The following HSPA12B variants were observed in gnomAD, a reference collection of about 807,000 sequenced individuals.
The protein encoded by HSPA12B is heat shock 70 kDa protein 12B.
In HSPA12B, 54 loss-of-function variants were observed where a neutral mutation model predicts 69.3. The observed-to-expected ratio is 0.78, with a 90% confidence interval of 0.63 to 0.98. The LOEUF (loss-of-function observed/expected upper bound fraction) is 0.98, where lower values mean the gene tolerates loss of function less well. HSPA12B is among the 50% of genes least tolerant of loss of function. HSPA12B has a pLI of 0.00. For missense variants in HSPA12B, 929 were observed against 999.8 expected (o/e 0.93, Z 0.96); for synonymous variants, 441 against 436.5 (o/e 1.01, Z -0.13).
chr20:3,737,639 A>G lies in HSPA12B; in HGVS notation c.-17-1019A>G, dbSNP rs2088128850. Among the ~76,000 whole-genome samples the G allele has an allele frequency of 6.6e-6, 1 of 152,136 alleles. No individual in the cohort carries two copies. Among genetic ancestry groups the G allele is most frequent in the East Asian group, 1.9e-4 (1 of 5,200 alleles). On this transcript the variant is annotated intron_variant, in intron 1 of 12. Coordinates refer to ENST00000254963, the MANE Select transcript of HSPA12B (RefSeq NM_052970.5). The surrounding 1 kb of genome is among the most constrained non-coding windows in gnomAD (Gnocchi z 4.1). Reference sequence around the variant, plus strand: ...AGGCATCTCAGTCTCCTGGGCCGGTATATATTCCTCTGTTCAGCCTTTAAA... The same window carrying G: ...AGGCATCTCAGTCTCCTGGGCCGGTGTATATTCCTCTGTTCAGCCTTTAAA...
At chr20:3,742,451 G>C (rs1568473941) in intron 4 of HSPA12B, 43 bp downstream of exon 4, 1 of 1,486,844 alleles carries the variant, frequency 6.7e-7, no homozygotes, top group East Asian at 2.3e-5. Context: ...GGAAGGTGGG[G>C]AGTTCCTCAT....
chr20:3,745,323 TG>T lies in HSPA12B; in HGVS notation c.454-166del, dbSNP rs202220818. Among the ~76,000 whole-genome samples, 185 of 21,468 alleles carry T rather than the reference TG, an allele frequency of 8.6e-3. No individual in the cohort carries two copies. The highest frequency in any genetic ancestry group is 0.031 in the African/African-American group (169 of 5,472). The allele number at this position is 21,468 out of a possible 152,430, so 14.1% of individuals were successfully genotyped here. ...AGTGAAGCTGGGGTTGCAGGAGGGGTGGGGCTAAGGAGAGGGGTCGGGGCAG... is the reference window on the plus strand; with the variant it reads ...AGTGAAGCTGGGGTTGCAGGAGGGGTGGGCTAAGGAGAGGGGTCGGGGCAG... On this transcript the variant is annotated intron_variant, in intron 5 of 12. Transcript: ENST00000254963. This position sits in a 1 kb window ranked among gnomAD's most constrained non-coding sequence, Gnocchi z 5.6.
Position 3,751,870 on chromosome 20 carries a change from G to A in HSPA12B, c.1765G>A (p.Glu589Lys). 6.4e-7 allele frequency: 1 copy of A among 1,559,390 alleles called. No homozygotes were observed. The highest frequency in any genetic ancestry group is 8.6e-7 in the Non-Finnish European group (1 of 1,158,280). Residue 589 changes from glutamate (E) to lysine (K), a missense_variant, in exon 13 of 13, where the codon GAG becomes AAG. Around this residue, in one of 3 missense-constraint regions of HSPA12B, gnomAD observed 448 missense variants for 448.1 expected, o/e 1.00. Transcript: ENST00000254963. ...AAEQSVALGE[E>K]VRRSYCPARP... ...CGAGCAGTCGGTGGCCCTGGGCGAG[G>A]AGGTGCGGCGCAGCTACTGCCCGGC...
Position 3,749,395 on chromosome 20 carries a change from T to G in HSPA12B, c.937+77T>G, listed in dbSNP as rs770486888. The G allele has an allele frequency of 1.5e-6, 2 of 1,321,942 alleles. No individual in the cohort carries two copies. Among genetic ancestry groups the G allele is most frequent in the Non-Finnish European group, 2.1e-6 (2 of 938,020 alleles). The allele number at this position is 1,321,942 out of a possible 1,614,324, so 81.9% of individuals were successfully genotyped here. ...ATACTGATGGGGGGAAGGGCATGTT[T>G]GCAAAGCCCGTCTCTTCCTCCTCCA... On this transcript the variant is annotated intron_variant, in intron 9 of 12. Coordinates refer to ENST00000254963, the MANE Select transcript of HSPA12B (RefSeq NM_052970.5). This position sits in a 1 kb window ranked among gnomAD's most constrained non-coding sequence, Gnocchi z 5.5.
Position 3,749,409 on chromosome 20 carries a change from C to T in HSPA12B, c.937+91C>T, listed in dbSNP as rs1600328657. The T allele has an allele frequency of 1.7e-6, 2 of 1,186,562 alleles. No individual in the cohort carries two copies. The allele number at this position is 1,186,562 out of a possible 1,614,324, so 73.5% of individuals were successfully genotyped here. ...AAGGGCATGTTTGCAAAGCCCGTCT[C>T]TTCCTCCTCCATTCGCTGTACCCAA... is the stretch of plus-strand genomic sequence containing the variant. On this transcript the variant is annotated intron_variant, in intron 9 of 12. Coordinates refer to ENST00000254963, the MANE Select transcript of HSPA12B (RefSeq NM_052970.5). This position sits in a 1 kb window ranked among gnomAD's most constrained non-coding sequence, Gnocchi z 5.5.
chr20:3,745,709 G>C lies in HSPA12B; in HGVS notation c.558+112G>C. 1 of 1,027,458 alleles carries C rather than the reference G, an allele frequency of 9.7e-7. No individual in the cohort carries two copies. The highest frequency in any genetic ancestry group is 1.5e-6 in the Non-Finnish European group (1 of 671,286). 63.6% of individuals were successfully genotyped at this position (1,027,458 alleles called of 1,614,324 possible). A position where few individuals can be genotyped will look rare whatever the true frequency, so the allele number is the denominator to read the frequency against. ...CATTGGATGGGTAGCCACCGCCGGA[G>C]CTCAGAGGTCATCTTCTCCAGTACC... On this transcript the variant is annotated intron_variant, in intron 6 of 12. Coordinates refer to ENST00000254963, the MANE Select transcript of HSPA12B (RefSeq NM_052970.5). The surrounding 1 kb of genome is among the most constrained non-coding windows in gnomAD (Gnocchi z 5.6).
rs1378557952 is a variant in HSPA12B, at chr20:3,749,751, A to T, written c.939A>T (p.Gly313=). Residue 313 remains glycine, a splice_region_variant and synonymous_variant, in exon 10 of 13, where the codon GGA becomes GGT. Transcript: ENST00000254963. The surrounding 1 kb of genome is among the most constrained non-coding windows in gnomAD (Gnocchi z 5.5). ...VGELWAEMQA[G]DRYVVADCGG... ...GTGTGCCCGCGCTCGCCGCCGCAGG[A>T]GACCGCTACGTGGTGGCCGACTGCG... The T allele has an allele frequency of 6.3e-7, 1 of 1,588,788 alleles. No individual in the cohort carries two copies. The highest frequency in any genetic ancestry group is 8.5e-7 in the Non-Finnish European group (1 of 1,171,820).
chr20:3,744,864 G>A lies in HSPA12B; in HGVS notation c.267-38G>A, dbSNP rs1396354886. On this transcript the variant is annotated intron_variant, in intron 4 of 12. Coordinates refer to ENST00000254963, the MANE Select transcript of HSPA12B (RefSeq NM_052970.5). This position sits in a 1 kb window ranked among gnomAD's most constrained non-coding sequence, Gnocchi z 4.9. ...TCCCTCTGCCTGGATTCCCACCCAA[G>A]AAGGGAGGGTTGCACTGACTGCCCT... The A allele has an allele frequency of 1.9e-6, 3 of 1,587,630 alleles. No homozygotes were observed. Among genetic ancestry groups the A allele is most frequent in the South Asian group, 1.1e-5 (1 of 89,902 alleles).
At position 3,737,824 on chromosome 20, in the gene HSPA12B, G is replaced by A. The variant is rs568395370; in HGVS notation, c.-17-834G>A. Among the ~76,000 whole-genome samples the A allele has an allele frequency of 3.3e-5, 5 of 152,240 alleles. No homozygotes were observed. The South Asian group carries it at 1.0e-3, about 32-fold the overall frequency. Reference sequence around the variant, plus strand: ...TCGAGAACAGCCTGGCCAACACGGCGAAACCCCGTCTCTACTAAAAATACA... The same window carrying A: ...TCGAGAACAGCCTGGCCAACACGGCAAAACCCCGTCTCTACTAAAAATACA... On this transcript the variant is annotated intron_variant, in intron 1 of 12. Transcript: ENST00000254963. This position sits in a 1 kb window ranked among gnomAD's most constrained non-coding sequence, Gnocchi z 4.1.
chr20:3,751,424 C>T, intron 12 of HSPA12B, 87 bp from the exon 13 acceptor site: 1 of 1,351,158 alleles, frequency 7.4e-7, no homozygotes, highest in East Asian at 2.9e-5. Context: ...GCGCCGGTGG[C>T]CGCCTAGTGG....
In HSPA12B at chr20:3,745,377, G is replaced by A. The variant is rs1471601529; in HGVS notation, c.454-116G>A. The stretch of plus-strand genomic sequence containing the variant: ...CTAATGTCACATGGGGCAAGAGTGG[G>A]ACGGTGGTAAAGAGGAGGGGAAGCT... On this transcript the variant is annotated intron_variant, in intron 5 of 12. Transcript: ENST00000254963. This position sits in a 1 kb window ranked among gnomAD's most constrained non-coding sequence, Gnocchi z 5.6. 3.9e-6 allele frequency: 3 copies of A among 778,486 alleles called. No individual in the cohort carries two copies. The highest frequency in any genetic ancestry group is 3.4e-5 in the African/African-American group (2 of 58,920). 48.2% of individuals were successfully genotyped at this position (778,486 alleles called of 1,614,324 possible). A position where few individuals can be genotyped will look rare whatever the true frequency, so the allele number is the denominator to read the frequency against.
chr20:3,738,688 C>T lies in HSPA12B; in HGVS notation c.14C>T (p.Pro5Leu), dbSNP rs768659268. 8.7e-6 allele frequency: 14 copies of T among 1,613,980 alleles called. No homozygotes were observed. Among genetic ancestry groups the T allele is most frequent in the Admixed American group, 1.7e-5 (1 of 60,000 alleles). The change falls in exon 2 of 13, where the codon CCG becomes CTG. Residue 5 changes from proline to leucine, a missense_variant. Pro to Leu is a moderately conservative substitution (Grantham distance 98). This residue lies in a region of HSPA12B where 477 missense variants were observed against 535.2 expected (regional missense o/e 0.89). Coordinates refer to ENST00000254963, the MANE Select transcript of HSPA12B (RefSeq NM_052970.5). ...GGGCCTGCAAGGATGTTGGCTGTCC[C>T]GGAGATGGGCCTGCAGGGGCTGTAC... MLAV[P>L]EMGLQGLYIG...
Position 3,745,620 on chromosome 20 carries a change from C to A in HSPA12B, c.558+23C>A. On this transcript the variant is annotated intron_variant, in intron 6 of 12. Coordinates refer to ENST00000254963, the MANE Select transcript of HSPA12B (RefSeq NM_052970.5). The surrounding 1 kb of genome is among the most constrained non-coding windows in gnomAD (Gnocchi z 5.6). ...CAGGTGCGCTGCGGCCCCACCTCTG[C>A]CGACTGTGGCAGGGACCCCCTATTT... is the stretch of plus-strand genomic sequence containing the variant. 6.3e-7 allele frequency: 1 copy of A among 1,598,526 alleles called. No homozygotes were observed. Among genetic ancestry groups the A allele is most frequent in the Non-Finnish European group, 8.6e-7 (1 of 1,166,252 alleles).
At chr20:3,734,206 G>C (rs887600852) in intron 1 of HSPA12B, among the ~76,000 whole-genome samples, 1 of 152,192 alleles carries the variant, frequency 6.6e-6, no homozygotes, top group African/African-American at 2.4e-5. Flanking sequence ...TTCGTCCTAG[G>C]CTATTGTAAG....
rs2088288142 is a variant in HSPA12B, at chr20:3,745,690, A to G, written c.558+93A>G. 1 of 1,178,544 alleles carries G rather than the reference A, an allele frequency of 8.5e-7. No individual in the cohort carries two copies. The highest frequency in any genetic ancestry group is 2.4e-5 in the East Asian group (1 of 41,872). 73.0% of individuals were successfully genotyped at this position (1,178,544 alleles called of 1,614,324 possible). A position where few individuals can be genotyped will look rare whatever the true frequency, so the allele number is the denominator to read the frequency against. On this transcript the variant is annotated intron_variant, in intron 6 of 12. Transcript: ENST00000254963. The surrounding 1 kb of genome is among the most constrained non-coding windows in gnomAD (Gnocchi z 5.6). ...TCCCCCATCCCGTCCCCGACATTGGATGGGTAGCCACCGCCGGAGCTCAGA... is the reference window on the plus strand; with the variant it reads ...TCCCCCATCCCGTCCCCGACATTGGGTGGGTAGCCACCGCCGGAGCTCAGA...
At position 3,749,414 on chromosome 20, in the gene HSPA12B, T is replaced by C. The variant is rs1456075230; in HGVS notation, c.937+96T>C. The stretch of plus-strand genomic sequence containing the variant: ...CATGTTTGCAAAGCCCGTCTCTTCC[T>C]CCTCCATTCGCTGTACCCAACCTGG... On this transcript the variant is annotated intron_variant, in intron 9 of 12. Coordinates refer to ENST00000254963, the MANE Select transcript of HSPA12B (RefSeq NM_052970.5). The surrounding 1 kb of genome is among the most constrained non-coding windows in gnomAD (Gnocchi z 5.5). The C allele has an allele frequency of 4.3e-6, 5 of 1,158,768 alleles. No homozygotes were observed. The highest frequency in any genetic ancestry group is 1.5e-5 in the African/African-American group (1 of 65,688). The allele number at this position is 1,158,768 out of a possible 1,614,324, so 71.8% of individuals were successfully genotyped here.
chr20:3,750,692 C>A, intron 11 of HSPA12B, 112 bp from the exon 12 acceptor site: 1 of 1,585,458 alleles, frequency 6.3e-7, no homozygotes, highest in South Asian at 1.1e-5. Context: ...GCAGTCGGTG[C>A]CCAGGCACTT....
chr20:3,746,536 T>C (rs1403658334), intron 7 of HSPA12B, among the ~76,000 whole-genome samples: 1 of 151,862 alleles, frequency 6.6e-6, no homozygotes, highest in Non-Finnish European at 1.5e-5. Flanking sequence ...TCTCCTGACC[T>C]TGTGATCCGC....
At chr20:3,734,737 AT>A (rs35209985) in intron 1 of HSPA12B, among the ~76,000 whole-genome samples, 112 of 120,278 alleles carry the variant, frequency 9.3e-4, no homozygotes, top group Middle Eastern at 4.7e-3. Context: ...CTTTAACACA[AT>A]TTTTTTTTTT....
Sources: allele counts gnomAD v4.1 joint callset (sites outside exome capture counted in the v4.1 genomes callset), GRCh38; gene constraint gnomAD v4.1.1; regional missense constraint gnomAD v4.1.1; non-coding constraint Gnocchi (gnomAD v3.1); transcripts MANE v1.5; gene names NCBI Gene and HGNC (gene_info 2026-07-23, HGNC 2026-07-21).